NOS1AP: variants seen among roughly 807,000 people sequenced by gnomAD.
NOS1AP encodes the protein nitric oxide synthase 1 adaptor protein.
A neutral mutation model predicts 56.2 loss-of-function variants in NOS1AP; 21 were observed. That is an observed-to-expected ratio of 0.37 (90% CI 0.26 to 0.54). The LOEUF (loss-of-function observed/expected upper bound fraction) is 0.54, where lower values mean the gene tolerates loss of function less well. Among genes scored for constraint, NOS1AP ranks in the 20% least tolerant of loss-of-function variants. The pLI is 0.84. For synonymous variants in NOS1AP, 270 were observed against 274.6 expected (o/e 0.98, Z 0.17); for missense variants, 522 against 657.8 (o/e 0.79, Z 2.26).
At chr1:162,298,120 C>T (rs868340284) in intron 3 of NOS1AP, among the ~76,000 whole-genome samples, 66 of 152,270 alleles carry the variant, frequency 4.3e-4, no homozygotes, top group African/African-American at 1.4e-3. Context: ...ACCGTCCTCA[C>T]TGGCACCCAG....
chr1:162,099,822 C>G (rs1045080870), intron 1 of NOS1AP, among the ~76,000 whole-genome samples: 1 of 151,836 alleles, frequency 6.6e-6, no homozygotes, highest in Non-Finnish European at 1.5e-5. Flanking sequence ...GTGATGTTCC[C>G]CTTCCTGTGT....
intron 2 of NOS1AP, among the ~76,000 whole-genome samples, chr1:162,161,633 C>A (rs1156935997): frequency 6.6e-6 from 1 of 152,036 alleles, no homozygotes; most frequent in Admixed American, 6.6e-5. Flanking sequence ...TGCTCTGTCA[C>A]CCATGTTGGA....
At chr1:162,219,629 G>A (rs574295623) in intron 2 of NOS1AP, among the ~76,000 whole-genome samples, 1 of 152,334 alleles carries the variant, frequency 6.6e-6, no homozygotes, top group Non-Finnish European at 1.5e-5. Context: ...AACTGCTGGA[G>A]ACAATGTTAA....
rs115442290 is a variant in NOS1AP, at chr1:162,072,796, C to A, written c.105+2514C>A. Among the ~76,000 whole-genome samples the A allele has an allele frequency of 7.8e-3, 1,192 of 152,334 alleles. 16 individuals are homozygous for A. Among genetic ancestry groups the A allele is most frequent in the African/African-American group, 0.027 (1,137 of 41,560 alleles). On this transcript the variant is annotated intron_variant, in intron 1 of 9. Transcript: ENST00000361897. The stretch of plus-strand genomic sequence containing the variant: ...AGCCTTCTCTGGCTGTTTTCCACAT[C>A]CCTGCAGAGCAGTGTCTATGCAACT...
Position 162,069,705 on chromosome 1 carries a change from T to A in NOS1AP, c.-473T>A, listed in dbSNP as rs1691615534. ...GGGCCCGCCCCACAGGAGGAGCCGC[T>A]CGCTGGCGGCTGATCCAGCGTCTCC... On this transcript the variant is annotated 5_prime_UTR_variant, in exon 1 of 10. Coordinates refer to ENST00000361897, the MANE Select transcript of NOS1AP (RefSeq NM_014697.3). The A allele has an allele frequency of 6.6e-6, 1 of 152,280 alleles. No individual in the cohort carries two copies. The highest frequency in any genetic ancestry group is 1.5e-5 in the Non-Finnish European group (1 of 67,916). The allele number at this position is 152,280 out of a possible 1,614,324, so 9.4% of individuals were successfully genotyped here. A position where few individuals can be genotyped will look rare whatever the true frequency, so the allele number is the denominator to read the frequency against.
chr1:162,353,611 GA>G (rs1283614952), intron 6 of NOS1AP, among the ~76,000 whole-genome samples: 2 of 152,188 alleles, frequency 1.3e-5, no homozygotes, highest in Non-Finnish European at 2.9e-5. Flanking sequence ...TAGGAAACAT[GA>G]ATGAGACACA....
chr1:162,165,878 A>G (rs1650470962), intron 2 of NOS1AP, among the ~76,000 whole-genome samples: 1 of 152,236 alleles, frequency 6.6e-6, no homozygotes, highest in South Asian at 2.1e-4. Flanking sequence ...GATATCCCAA[A>G]GGCACCTTAA....
chr1:162,259,387 T>G (rs564731632), intron 2 of NOS1AP, among the ~76,000 whole-genome samples: 36 of 152,326 alleles, frequency 2.4e-4, no homozygotes, highest in African/African-American at 8.7e-4. Flanking sequence ...TAAATAATAT[T>G]AGGATGCTTG....
At chr1:162,183,987 C>T (rs1041562188) in intron 2 of NOS1AP, among the ~76,000 whole-genome samples, 1 of 152,234 alleles carries the variant, frequency 6.6e-6, no homozygotes, top group Non-Finnish European at 1.5e-5. Flanking sequence ...AGCTTTCGGC[C>T]TATCTCAGCT....
At chr1:162,077,054 C>G (rs1241601820) in intron 1 of NOS1AP, among the ~76,000 whole-genome samples, 4 of 152,134 alleles carry the variant, frequency 2.6e-5, no homozygotes, top group African/African-American at 9.7e-5. Context: ...CATTCATGTA[C>G]AAGTTTTTGT....
intron 2 of NOS1AP, among the ~76,000 whole-genome samples, chr1:162,260,288 C>T (rs1208305987): frequency 6.6e-6 from 1 of 152,172 alleles, no homozygotes; most frequent in Non-Finnish European, 1.5e-5. Context: ...CCCTCCTTCA[C>T]AGTTTGACTT....
chr1:162,216,807 G>A (rs1437624749), intron 2 of NOS1AP, among the ~76,000 whole-genome samples: 1 of 152,222 alleles, frequency 6.6e-6, no homozygotes, highest in Non-Finnish European at 1.5e-5. Flanking sequence ...CTGGCTGTGT[G>A]ACCTTGGTCA....
chr1:162,352,844 A>G (rs574635537), intron 6 of NOS1AP, among the ~76,000 whole-genome samples: 1 of 152,348 alleles, frequency 6.6e-6, no homozygotes, highest in East Asian at 1.9e-4. Flanking sequence ...CATTCAGTCC[A>G]TAACATACCC....
chr1:162,356,502 G>T (rs1194680754), intron 7 of NOS1AP, among the ~76,000 whole-genome samples: 1 of 152,200 alleles, frequency 6.6e-6, no homozygotes, highest in African/African-American at 2.4e-5. Context: ...CAAGGGAGAA[G>T]GAACATCTCA....
intron 2 of NOS1AP, among the ~76,000 whole-genome samples, chr1:162,183,116 A>T (rs1010943722): frequency 6.6e-6 from 1 of 152,270 alleles, no homozygotes; most frequent in African/African-American, 2.4e-5. Context: ...CTGCTGATCC[A>T]TGGGCAGCAG....
intron 4 of NOS1AP, among the ~76,000 whole-genome samples, chr1:162,324,896 T>C (rs776516264): frequency 4.6e-5 from 7 of 152,212 alleles, no homozygotes; most frequent in Non-Finnish European, 1.0e-4. Flanking sequence ...TTCCAGACTG[T>C]GCTGCGATGA....
At chr1:162,162,186 G>A (rs1365134285) in intron 2 of NOS1AP, among the ~76,000 whole-genome samples, 2 of 152,150 alleles carry the variant, frequency 1.3e-5, no homozygotes, top group Non-Finnish European at 2.9e-5. Flanking sequence ...TTGTTTCTAC[G>A]TGTGTTGCCA....
At chr1:162,256,402 G>A (rs1654031663) in intron 2 of NOS1AP, among the ~76,000 whole-genome samples, 2 of 152,132 alleles carry the variant, frequency 1.3e-5, no homozygotes, top group Non-Finnish European at 2.9e-5. Context: ...AAAGGTCTTT[G>A]TAACAATCTA....
At chr1:162,187,266 C>T (rs1218807684) in intron 2 of NOS1AP, among the ~76,000 whole-genome samples, 1 of 152,192 alleles carries the variant, frequency 6.6e-6, no homozygotes, top group Non-Finnish European at 1.5e-5. Context: ...CACATTCAGC[C>T]ACCATGCATA....
Sources: allele counts gnomAD v4.1 joint callset (sites outside exome capture counted in the v4.1 genomes callset), GRCh38; gene constraint gnomAD v4.1.1; transcripts MANE v1.5; gene names NCBI Gene and HGNC (gene_info 2026-07-23, HGNC 2026-07-21).